Variants in CCDC66 observed in about 807,000 individuals in gnomAD.
The protein encoded by CCDC66 is coiled-coil domain-containing protein 66.
A neutral mutation model predicts 128.3 loss-of-function variants in CCDC66; 133 were observed. The ratio of observed to expected loss-of-function variants is 1.04; its 90% CI spans 0.90 to 1.20. The LOEUF is 1.20. Among genes scored for constraint, CCDC66 ranks in the 50% most tolerant of loss-of-function variants. The probability of loss-of-function intolerance (pLI) is 0.00; values close to 1 mark genes in which losing one functional copy is unlikely to be tolerated. For synonymous variants in CCDC66, 387 were observed against 357.0 expected (o/e 1.08, Z -0.95); for missense variants, 1,126 against 1,075.5 (o/e 1.05, Z -0.66).
In CCDC66 at chr3:56,617,536, T is replaced by C. The variant is rs771495252; in HGVS notation, c.2268T>C (p.Ile756=). Residue 756 remains isoleucine (I), a synonymous_variant, in exon 14 of 18, where the codon ATT becomes ATC. Transcript: ENST00000394672. ...GGCACCTCTCTCAAAACAGAGGCAT[T>C]TCACCAGAAATTTTTCATTCATCTC... ...NPGHLSQNRG[I]SPEIFHSSHQ... 1 of 1,610,270 alleles carries C rather than the reference T, an allele frequency of 6.2e-7. No homozygotes were observed. The highest frequency in any genetic ancestry group is 1.1e-5 in the South Asian group (1 of 89,864).
chr3:56,568,209 G>T (rs1374104258), intron 6 of CCDC66, among the ~76,000 whole-genome samples: 1 of 152,184 alleles, frequency 6.6e-6, no homozygotes, highest in Non-Finnish European at 1.5e-5. Flanking sequence ...GGCTACTTCT[G>T]TTTGTAGGCC....
At chr3:56,604,464 C>G (rs1217592375) in intron 10 of CCDC66, among the ~76,000 whole-genome samples, 2 of 151,996 alleles carry the variant, frequency 1.3e-5, no homozygotes, top group Non-Finnish European at 2.9e-5. Context: ...TCTTGTAAGG[C>G]AGGCCTGGTG....
intron 7 of CCDC66, 107 bp from the exon 8 acceptor site, chr3:56,592,863 A>G (rs756944798): frequency 1.7e-5 from 19 of 1,103,484 alleles, no homozygotes; most frequent in Admixed American, 2.5e-5. Context: ...TTACAGATAA[A>G]TGCCTCAGTG....
intron 7 of CCDC66, 91 bp downstream of exon 7, chr3:56,571,393 T>A: frequency 1.1e-6 from 1 of 934,726 alleles, no homozygotes; most frequent in African/African-American, 1.8e-5. Flanking sequence ...AAAAAGTTTT[T>A]TTTTTGAGAC....
chr3:56,589,287 A>G (rs531537264), intron 7 of CCDC66, among the ~76,000 whole-genome samples: 1 of 152,188 alleles, frequency 6.6e-6, no homozygotes, highest in South Asian at 2.1e-4. Flanking sequence ...TATTAATGAA[A>G]TTGAGCTTAT....
At chr3:56,613,498 G>A in intron 10 of CCDC66, 91 bp from the exon 11 acceptor site, 1 of 1,441,546 alleles carries the variant, frequency 6.9e-7, no homozygotes, top group Non-Finnish European at 9.3e-7. Context: ...TGGAAGAGGT[G>A]AGCACTGAAT....
At chr3:56,574,232 C>T (rs763093750) in intron 7 of CCDC66, among the ~76,000 whole-genome samples, 5 of 151,338 alleles carry the variant, frequency 3.3e-5, no homozygotes, top group African/African-American at 4.8e-5. Context: ...CATGGTGGCA[C>T]GTGCCTGTAG....
chr3:56,576,670 C>T (rs2067429777), intron 7 of CCDC66, among the ~76,000 whole-genome samples: 1 of 150,722 alleles, frequency 6.6e-6, no homozygotes, highest in African/African-American at 2.4e-5. Context: ...GGTTTTCTCT[C>T]CTTGCAATAG....
chr3:56,592,542 C>T (rs7612510), intron 7 of CCDC66, among the ~76,000 whole-genome samples: 113,692 of 147,566 alleles, frequency 0.77, 44,371 homozygotes, highest in Non-Finnish European at 0.86. Context: ...TTTTTTTTTT[C>T]AGTAGAGATG....
intron 10 of CCDC66, among the ~76,000 whole-genome samples, chr3:56,599,786 T>A (rs1327418268): frequency 6.6e-6 from 1 of 152,106 alleles, no homozygotes; most frequent in Non-Finnish European, 1.5e-5. Context: ...TTAAGATTTG[T>A]TTTGTGTCCT....
chr3:56,559,004 A>C (rs1463419796), intron 2 of CCDC66, 94 bp downstream of exon 2: 6 of 851,012 alleles, frequency 7.1e-6, no homozygotes, highest in African/African-American at 1.7e-5. Flanking sequence ...TAATAGAGTG[A>C]TATTTAAATG....
chr3:56,601,225 A>C (rs1302513607), intron 10 of CCDC66, among the ~76,000 whole-genome samples: 1 of 152,104 alleles, frequency 6.6e-6, no homozygotes, highest in Non-Finnish European at 1.5e-5. Flanking sequence ...TTTATGAAGT[A>C]AGGAATCCTT....
chr3:56,566,411 CA>C (rs920962851), intron 4 of CCDC66, among the ~76,000 whole-genome samples, 182 bp from the exon 5 acceptor site: 2 of 152,224 alleles, frequency 1.3e-5, no homozygotes, highest in African/African-American at 4.8e-5. Flanking sequence ...AGGTGTGAGC[CA>C]CCACTCCCTG....
chr3:56,582,719 C>G (rs2068615039), intron 7 of CCDC66, among the ~76,000 whole-genome samples: 1 of 151,506 alleles, frequency 6.6e-6, no homozygotes, highest in Non-Finnish European at 1.5e-5. Context: ...GTGGATCCTT[C>G]TGGTACTATT....
At chr3:56,592,864 T>G in intron 7 of CCDC66, 106 bp from the exon 8 acceptor site, 1 of 1,099,308 alleles carries the variant, frequency 9.1e-7, no homozygotes, top group Non-Finnish European at 1.3e-6. Context: ...TACAGATAAA[T>G]GCCTCAGTGG....
At chr3:56,584,348 G>A (rs78584015) in intron 7 of CCDC66, among the ~76,000 whole-genome samples, 41,960 of 134,668 alleles carry the variant, frequency 0.31, 7,443 homozygotes, top group East Asian at 0.52. Flanking sequence ...GGCGGCTGCC[G>A]GGTAGAGGGG....
In CCDC66 at chr3:56,585,958, A is replaced by G. The variant is rs538454724; in HGVS notation, c.937-7012A>G. Among the ~76,000 whole-genome samples, 5 of 152,032 alleles carry G rather than the reference A, an allele frequency of 3.3e-5. No individual in the cohort carries two copies. The South Asian group carries it at 1.0e-3, about 32-fold the overall frequency. On this transcript the variant is annotated intron_variant, in intron 7 of 17. Coordinates refer to ENST00000394672, the MANE Select transcript of CCDC66 (RefSeq NM_001141947.3). The stretch of plus-strand genomic sequence containing the variant: ...AGTCTCTAAGACATTGTGAAATGAA[A>G]AGAGTAATGCATATACTATAACCAT...
At chr3:56,559,108 C>G (rs1390234406) in intron 2 of CCDC66, among the ~76,000 whole-genome samples, 198 bp downstream of exon 2, 1 of 152,140 alleles carries the variant, frequency 6.6e-6, no homozygotes, top group Admixed American at 6.6e-5. Context: ...TGTCAGTATT[C>G]AGACTCATAA....
At chr3:56,577,799 C>T (rs958364174) in intron 7 of CCDC66, among the ~76,000 whole-genome samples, 1 of 151,796 alleles carries the variant, frequency 6.6e-6, no homozygotes, top group African/African-American at 2.4e-5. Context: ...GGTACCAGTA[C>T]CATGCTGCTT....
Sources: gnomAD v4.1 joint callset for allele counts (sites outside exome capture counted in the v4.1 genomes callset) on GRCh38, gnomAD v4.1.1 for gene constraint, MANE v1.5 for transcripts, NCBI Gene and HGNC (gene_info 2026-07-23, HGNC 2026-07-21) for gene names.